PNPLA7: variants seen among roughly 807,000 people sequenced by gnomAD.
PNPLA7 encodes the protein patatin-like phospholipase domain-containing protein 7.
PNPLA7 carries 153 observed loss-of-function variants against 161.7 expected under a neutral mutation model. The observed-to-expected ratio is 0.95, with a 90% CI of 0.83 to 1.08. The LOEUF (loss-of-function observed/expected upper bound fraction) is 1.08, where lower values mean the gene tolerates loss of function less well. Among genes scored for constraint, PNPLA7 ranks in the 50% least tolerant of loss-of-function variants. The pLI is 0.00. For missense variants in PNPLA7, 1,739 were observed against 1,856.6 expected (o/e 0.94, Z 1.16); for synonymous variants, 809 against 782.1 (o/e 1.03, Z -0.57).
chr9:137,486,749 T>C lies in PNPLA7; in HGVS notation c.2198-2013A>G, dbSNP rs905512175. On this transcript the variant is annotated intron_variant, in intron 20 of 34. Coordinates refer to ENST00000406427, the MANE Select transcript of PNPLA7 (RefSeq NM_001098537.3). The surrounding 1 kb of genome is among the most constrained non-coding windows in gnomAD (Gnocchi z 6.0). Reference sequence around the variant, plus strand: ...GCCGCCTGCTTGAGAGGACGCTCTGTGCACAGTGGCCGGAGCTGGCCTTCG... The same window carrying C: ...GCCGCCTGCTTGAGAGGACGCTCTGCGCACAGTGGCCGGAGCTGGCCTTCG... 3.3e-5 allele frequency among the ~76,000 whole-genome samples: 5 copies of C among 152,130 alleles called. No homozygotes were observed.
intron 11 of PNPLA7, among the ~76,000 whole-genome samples, chr9:137,518,472 T>C (rs1328432469): frequency 3.8e-4 from 11 of 29,168 alleles, no homozygotes; most frequent in South Asian, 2.4e-3. Context: ...TCCACTCTGC[T>C]CACTCCATCC....
intron 12 of PNPLA7, among the ~76,000 whole-genome samples, chr9:137,510,322 G>C (rs1834155436): frequency 6.6e-6 from 1 of 152,232 alleles, no homozygotes; most frequent in Admixed American, 6.5e-5. Flanking sequence ...CTGTGCTTCA[G>C]TGGTCACGCT....
In PNPLA7 at chr9:137,521,304, C is replaced by A. The variant is rs1020668246; in HGVS notation, c.957+332G>T. ...GAATGGGAGCTGCAGAGGCACCAGGCGGCTGTTCACAACCGTGTGGGCCTC... is the reference window on the plus strand; with the variant it reads ...GAATGGGAGCTGCAGAGGCACCAGGAGGCTGTTCACAACCGTGTGGGCCTC... On this transcript the variant is annotated intron_variant, in intron 10 of 34. Coordinates refer to ENST00000406427, the MANE Select transcript of PNPLA7 (RefSeq NM_001098537.3). Among the ~76,000 whole-genome samples, 3 of 152,220 alleles carry A rather than the reference C, an allele frequency of 2.0e-5. No homozygotes were observed. In the East Asian group the frequency reaches 5.8e-4, roughly 29 times the overall value.
chr9:137,503,982 G>A (rs1588626414), intron 14 of PNPLA7, among the ~76,000 whole-genome samples: 1 of 91,506 alleles, frequency 1.1e-5, no homozygotes, highest in Non-Finnish European at 2.5e-5. Flanking sequence ...GAAGAAGGAA[G>A]AAGAAAGAAG....
chr9:137,482,277 C>T (rs550702310), intron 21 of PNPLA7, among the ~76,000 whole-genome samples: 4 of 152,354 alleles, frequency 2.6e-5, no homozygotes, highest in African/African-American at 9.6e-5. Flanking sequence ...CACAGAAGCA[C>T]GCACACAGGT....
intron 4 of PNPLA7, among the ~76,000 whole-genome samples, chr9:137,546,037 C>G (rs1836503176): frequency 6.6e-6 from 1 of 152,184 alleles, no homozygotes. Flanking sequence ...GCCTAACCGT[C>G]TCCCTGTGAT....
In PNPLA7 at chr9:137,467,390, GC is replaced by G. The variant is rs1368537387; in HGVS notation, c.2965del (p.Ala989ProfsTer27). On this transcript the variant is annotated frameshift_variant, in exon 26 of 35. Transcript: ENST00000406427. LOFTEE classifies it high-confidence loss of function. The surrounding 1 kb of genome is among the most constrained non-coding windows in gnomAD (Gnocchi z 5.1). The stretch of plus-strand genomic sequence containing the variant: ...CTCAGAGTACAGGGCACCCACGAAG[GC>G]CCCGATGGACGTGCCTCCCACCATG... ...VDMVGGTSIG[A>X]FVGALYSEER... is the part of the protein sequence containing the mutation. 5 of 1,613,530 alleles carry G rather than the reference GC, an allele frequency of 3.1e-6. No individual in the cohort carries two copies. The Admixed American group carries it at 8.3e-5, about 27-fold the overall frequency.
chr9:137,537,806 A>G lies in PNPLA7; in HGVS notation c.747+2836T>C, dbSNP rs2132599067. Among the ~76,000 whole-genome samples, 1 of 151,402 alleles carries G rather than the reference A, an allele frequency of 6.6e-6. No individual in the cohort carries two copies. Among genetic ancestry groups the G allele is most frequent in the East Asian group, 2.0e-4 (1 of 5,078 alleles). On this transcript the variant is annotated intron_variant, in intron 8 of 34. Transcript: ENST00000406427. This position sits in a 1 kb window ranked among gnomAD's most constrained non-coding sequence, Gnocchi z 4.5. ...CTGTGATAAGTGAGGCCCAACCTGA[A>G]TATCACAACAAGATCAAGATCAGAA...
At chr9:137,512,555 C>T (rs577787772) in intron 12 of PNPLA7, among the ~76,000 whole-genome samples, 3 of 152,218 alleles carry the variant, frequency 2.0e-5, no homozygotes, top group Non-Finnish European at 4.4e-5. Flanking sequence ...TTACCTGGTT[C>T]ACAAGTGAGT....
Position 137,524,054 on chromosome 9 carries a change from A to G in PNPLA7, c.748-1197T>C, listed in dbSNP as rs754846556. 1.1e-3 allele frequency among the ~76,000 whole-genome samples: 166 copies of G among 152,210 alleles called. 1 individual carries two copies. Among genetic ancestry groups the G allele is most frequent in the Non-Finnish European group, 1.2e-3 (83 of 68,000 alleles). ...CACCTCTAGCATTTTCACCCCCACC[A>G]CAGAAACAGAACAATCCCAACCTCC... is the stretch of plus-strand genomic sequence containing the variant. On this transcript the variant is annotated intron_variant, in intron 8 of 34. Transcript: ENST00000406427. This position sits in a 1 kb window ranked among gnomAD's most constrained non-coding sequence, Gnocchi z 4.4.
At position 137,498,070 on chromosome 9, in the gene PNPLA7, C is replaced by G. The variant is rs201876810; in HGVS notation, c.1889+44G>C. 7.5e-6 allele frequency: 12 copies of G among 1,591,626 alleles called. No individual in the cohort carries two copies. In the East Asian group the frequency reaches 2.0e-4, roughly 27 times the overall value. On this transcript the variant is annotated intron_variant, in intron 17 of 34. Coordinates refer to ENST00000406427, the MANE Select transcript of PNPLA7 (RefSeq NM_001098537.3). ...TTTGCCCATCCCCAGCTCCTGCATGCCAGGGCAGCATGGATGCGGAGTGTG... is the reference window on the plus strand; with the variant it reads ...TTTGCCCATCCCCAGCTCCTGCATGGCAGGGCAGCATGGATGCGGAGTGTG...
rs576655787 is a variant in PNPLA7, at chr9:137,524,816, A to G, written c.748-1959T>C. ...GTTTCCGTGGATGCCCCGTGGAATGAGTTTCCGTGGATGCCCCGTGGAATG... is the reference window on the plus strand; with the variant it reads ...GTTTCCGTGGATGCCCCGTGGAATGGGTTTCCGTGGATGCCCCGTGGAATG... On this transcript the variant is annotated intron_variant, in intron 8 of 34. Coordinates refer to ENST00000406427, the MANE Select transcript of PNPLA7 (RefSeq NM_001098537.3). The surrounding 1 kb of genome is among the most constrained non-coding windows in gnomAD (Gnocchi z 4.4). 6.7e-5 allele frequency among the ~76,000 whole-genome samples: 10 copies of G among 148,672 alleles called. No homozygotes were observed. Among genetic ancestry groups the G allele is most frequent in the East Asian group, 3.9e-4 (2 of 5,182 alleles).
chr9:137,509,459 T>G, intron 12 of PNPLA7: 1 of 237,088 alleles, frequency 4.2e-6, no homozygotes, highest in Admixed American at 5.0e-5. Flanking sequence ...TGAGTTTAGC[T>G]GGTACGAATG....
chr9:137,466,387 A>ACCACCATCT (rs1416814800), intron 26 of PNPLA7, among the ~76,000 whole-genome samples: 1 of 145,600 alleles, frequency 6.9e-6, no homozygotes, highest in African/African-American at 2.6e-5. Flanking sequence ...ACCACTTCCC[A>ACCACCATCT]CCACCATCTC....
At chr9:137,521,556 G>A (rs1036829920) in intron 10 of PNPLA7, 80 bp downstream of exon 10, 148 of 1,420,718 alleles carry the variant, frequency 1.0e-4, no homozygotes, top group Admixed American at 1.5e-4. Context: ...GGCACTGGGC[G>A]CCTGCCGTGC....
intron 20 of PNPLA7, among the ~76,000 whole-genome samples, chr9:137,491,073 T>C (rs1564304524): frequency 6.6e-6 from 1 of 152,026 alleles, no homozygotes; most frequent in Non-Finnish European, 1.5e-5. Context: ...TATAATGGAA[T>C]ACTCAAAAAA....
intron 33 of PNPLA7, 81 bp from the exon 34 acceptor site, chr9:137,460,818 CG>C (rs1831149499): frequency 1.5e-6 from 2 of 1,334,606 alleles, no homozygotes; most frequent in African/African-American, 2.9e-5. Flanking sequence ...GAGGCAGAAC[CG>C]GCCACAGATG....
chr9:137,522,993 G>A, intron 8 of PNPLA7, 136 bp from the exon 9 acceptor site: 1 of 1,274,282 alleles, frequency 7.8e-7, no homozygotes, highest in South Asian at 1.4e-5. Context: ...CCCAGGCTGG[G>A]CTGTGCAAAG....
chr9:137,497,396 T>G (rs1833122614), intron 17 of PNPLA7, 86 bp from the exon 18 acceptor site: 1 of 1,271,436 alleles, frequency 7.9e-7, no homozygotes, highest in Admixed American at 3.8e-5. Flanking sequence ...AGACTCAGGA[T>G]GGAGAAAAAG....
Sources: gnomAD v4.1 joint callset for allele counts (sites outside exome capture counted in the v4.1 genomes callset) on GRCh38, gnomAD v4.1.1 for gene constraint, Gnocchi (gnomAD v3.1) non-coding constraint, MANE v1.5 for transcripts, NCBI Gene and HGNC (gene_info 2026-07-23, HGNC 2026-07-21) for gene names.